AFM: variants seen among roughly 807,000 people sequenced by gnomAD.
AFM encodes the protein alpha-Alb.
AFM carries 82 observed loss-of-function variants against 68.7 expected under a neutral mutation model. The observed-to-expected ratio is 1.19, with a 90% CI of 1.00 to 1.43. AFM has a LOEUF of 1.43. AFM is among the 40% of genes most tolerant of loss of function. The probability of loss-of-function intolerance (pLI) is 0.00; values close to 1 mark genes in which losing one functional copy is unlikely to be tolerated. For synonymous variants in AFM, 250 were observed against 234.2 expected (o/e 1.07, Z -0.61); for missense variants, 772 against 701.8 (o/e 1.10, Z -1.13).
intron 12 of AFM, among the ~76,000 whole-genome samples, chr4:73,501,267 A>G (rs1721414864): frequency 6.6e-6 from 1 of 152,078 alleles, no homozygotes; most frequent in South Asian, 2.1e-4. Flanking sequence ...TTGACATATA[A>G]TAGTTGTACA....
At chr4:73,497,035 C>T (rs770534951) in intron 9 of AFM, among the ~76,000 whole-genome samples, 1 of 152,126 alleles carries the variant, frequency 6.6e-6, no homozygotes, top group Non-Finnish European at 1.5e-5. Flanking sequence ...AAAATTCTCT[C>T]TTTTCATGGA....
At chr4:73,486,920 G>T in intron 4 of AFM, 47 bp from the exon 5 acceptor site, 9 of 1,560,900 alleles carry the variant, frequency 5.8e-6, no homozygotes, top group East Asian at 2.3e-5. Flanking sequence ...ATTGCTTCCT[G>T]TTTCTTCCCT....
chr4:73,496,522 C>T (rs1032872609), intron 9 of AFM, among the ~76,000 whole-genome samples: 5 of 152,118 alleles, frequency 3.3e-5, no homozygotes, highest in African/African-American at 1.2e-4. Flanking sequence ...GAATTACTGT[C>T]AAGAAAGTTG....
At chr4:73,495,146 A>C in intron 8 of AFM, 154 bp from the exon 9 acceptor site, 1 of 581,036 alleles carries the variant, frequency 1.7e-6, no homozygotes, top group Non-Finnish European at 2.8e-6. Context: ...CTATAGCCAA[A>C]ATGTCCTCTT....
Position 73,503,079 on chromosome 4 carries a change from G to A in AFM, c.*9G>A, listed in dbSNP as rs752308537. 4.4e-5 allele frequency: 71 copies of A among 1,612,838 alleles called. No individual in the cohort carries two copies. Among genetic ancestry groups the A allele is most frequent in the Non-Finnish European group, 5.4e-5 (64 of 1,179,218 alleles). ...CAAAAATTGGCAACTGAAGCCAGCT[G>A]CTGGAGATATGTAAAGAAAAAAGCA... On this transcript the variant is annotated 3_prime_UTR_variant, in exon 14 of 15. Transcript: ENST00000226355.
In AFM at chr4:73,484,399, A is replaced by G. The variant is rs368253144; in HGVS notation, c.270+9A>G. The G allele has an allele frequency of 3.9e-6, 6 of 1,521,842 alleles. No homozygotes were observed. The highest frequency in any genetic ancestry group is 5.3e-6 in the Non-Finnish European group (6 of 1,137,656). 94.3% of individuals were successfully genotyped at this position (1,521,842 alleles called of 1,614,324 possible). ...AGTGTTCAAAATTACCTGTAAGTAA[A>G]TTGCTTGTGTTTCTTTTCCTTTTAT... is the stretch of plus-strand genomic sequence containing the variant. On this transcript the variant is annotated intron_variant, in intron 3 of 14. Coordinates refer to ENST00000226355, the MANE Select transcript of AFM (RefSeq NM_001133.2).
chr4:73,495,718 G>A (rs967841089), intron 9 of AFM, among the ~76,000 whole-genome samples: 66 of 152,176 alleles, frequency 4.3e-4, no homozygotes, highest in African/African-American at 1.4e-3. Flanking sequence ...TTATTAAGCC[G>A]TATTGGATAT....
rs754073576 is a variant in AFM, at chr4:73,481,864, G to A, written c.88+1G>A. On this transcript the variant is annotated splice_donor_variant, in intron 1 of 14. Transcript: ENST00000226355. LOFTEE classifies it high-confidence loss of function. ...CTGCCCACACAACCTCGGGATATAGGTAAGAAATTTACTTGTATATCAGCT... is the reference window on the plus strand; with the variant it reads ...CTGCCCACACAACCTCGGGATATAGATAAGAAATTTACTTGTATATCAGCT... The A allele has an allele frequency of 6.3e-7, 1 of 1,578,574 alleles. No individual in the cohort carries two copies. The highest frequency in any genetic ancestry group is 1.2e-5 in the South Asian group (1 of 86,180).
At chr4:73,496,328 T>C (rs1336610326) in intron 9 of AFM, among the ~76,000 whole-genome samples, 1 of 152,200 alleles carries the variant, frequency 6.6e-6, no homozygotes, top group Non-Finnish European at 1.5e-5. Context: ...GATTTCCTAC[T>C]GTGTGTTTGA....
chr4:73,491,857 T>C lies in AFM; in HGVS notation c.844-15T>C, dbSNP rs907800448. 12 of 1,600,338 alleles carry C rather than the reference T, an allele frequency of 7.5e-6. No homozygotes were observed. The highest frequency in any genetic ancestry group is 1.0e-5 in the Non-Finnish European group (12 of 1,171,410). Reference sequence around the variant, plus strand: ...GCCTGAAAGTAAAATAATCTCTCATTCTTATTTGGTACAGAGCAAGGTTAT... The same window carrying C: ...GCCTGAAAGTAAAATAATCTCTCATCCTTATTTGGTACAGAGCAAGGTTAT... On this transcript the variant is annotated splice_polypyrimidine_tract_variant and intron_variant, in intron 7 of 14. Transcript: ENST00000226355.
At chr4:73,484,425 CT>C (rs1224978351) in intron 3 of AFM, 35 bp downstream of exon 3, 1 of 1,395,218 alleles carries the variant, frequency 7.2e-7, no homozygotes, top group African/African-American at 1.5e-5. Flanking sequence ...TTCCTTTTAT[CT>C]TATGTCTTTC....
intron 10 of AFM, 39 bp downstream of exon 10, chr4:73,497,788 G>T: frequency 7.9e-7 from 1 of 1,272,296 alleles, no homozygotes; most frequent in Non-Finnish European, 1.1e-6. Context: ...CTTGCCACTA[G>T]AATTGAATAC....
chr4:73,488,807 T>A (rs937785905), intron 7 of AFM, 48 bp downstream of exon 7: 17 of 1,568,522 alleles, frequency 1.1e-5, no homozygotes, highest in Non-Finnish European at 1.5e-5. Context: ...TTGGCAATTA[T>A]CATTTTTTTA....
intron 10 of AFM, 38 bp from the exon 11 acceptor site, chr4:73,499,076 G>C: frequency 6.3e-7 from 1 of 1,593,508 alleles, no homozygotes; most frequent in Non-Finnish European, 8.6e-7. Flanking sequence ...ATGGGTATCT[G>C]CTTTCATTCA....
chr4:73,489,491 A>AT (rs200611276), intron 7 of AFM, among the ~76,000 whole-genome samples: 3,929 of 152,158 alleles, frequency 0.026, 68 homozygotes, highest in South Asian at 0.051. Context: ...TCACATACTT[A>AT]TTTTTTTGTG....
intron 9 of AFM, 69 bp downstream of exon 9, chr4:73,495,501 CAG>C: frequency 1.3e-6 from 2 of 1,566,384 alleles, no homozygotes; most frequent in Non-Finnish European, 1.7e-6. Context: ...AAATTGATAT[CAG>C]AGTTTTGCTG....
rs1190020675 is a variant in AFM, at chr4:73,491,977, TCAAA to T, written c.954_957del (p.Asn318LysfsTer10). The T allele has an allele frequency of 1.9e-6, 3 of 1,613,898 alleles. No homozygotes were observed. The highest frequency in any genetic ancestry group is 1.1e-5 in the South Asian group (1 of 91,018). The stretch of plus-strand genomic sequence containing the variant: ...AGAGCGCGGCCAGTGCATAATTAAC[TCAAA>T]CAAAGATGATAGACCAAAGGATTTA... On this transcript the variant is annotated frameshift_variant, in exon 8 of 15. Transcript: ENST00000226355. LOFTEE classifies it high-confidence loss of function.
chr4:73,496,946 A>C (rs1367881227), intron 9 of AFM, among the ~76,000 whole-genome samples: 1 of 152,156 alleles, frequency 6.6e-6, no homozygotes, highest in East Asian at 1.9e-4. Flanking sequence ...GAGCAATGGA[A>C]TAAGACTTGG....
intron 10 of AFM, among the ~76,000 whole-genome samples, chr4:73,498,475 T>C (rs1414117164): frequency 6.6e-6 from 1 of 152,110 alleles, no homozygotes; most frequent in African/African-American, 2.4e-5. Flanking sequence ...TTGGTAGAGA[T>C]GGCGTTTTGC....
Sources: gnomAD v4.1 joint callset for allele counts (sites outside exome capture counted in the v4.1 genomes callset) on GRCh38, gnomAD v4.1.1 for gene constraint, MANE v1.5 for transcripts, NCBI Gene and HGNC (gene_info 2026-07-23, HGNC 2026-07-21) for gene names.